KCND3: variants seen among roughly 807,000 people sequenced by gnomAD.
KCND3 encodes the protein A-type voltage-gated potassium channel KCND3.
A neutral mutation model predicts 51.1 loss-of-function variants in KCND3; 9 were observed. The ratio of observed to expected loss-of-function variants is 0.18; its 90% CI spans 0.11 to 0.31. KCND3 has a LOEUF of 0.31. Ranked by LOEUF, KCND3 falls within the 10% of genes least tolerant of loss-of-function variation. The pLI is 1.00. For synonymous variants in KCND3, 349 were observed against 368.0 expected, an observed-to-expected ratio of 0.95 and a Z score of 0.59; for missense variants, 526 against 903.8, an observed-to-expected ratio of 0.58 and a Z score of 5.36.
At chr1:111,784,077 A>G (rs1405634162) in intron 3 of KCND3, among the ~76,000 whole-genome samples, 1 of 149,926 alleles carries the variant, frequency 6.7e-6, no homozygotes, top group Non-Finnish European at 1.5e-5. Context: ...CAGTCTCTTG[A>G]CCGTGGCAGT....
intron 6 of KCND3, among the ~76,000 whole-genome samples, chr1:111,778,117 A>G (rs922411763): frequency 3.3e-5 from 5 of 152,232 alleles, no homozygotes; most frequent in Non-Finnish European, 7.3e-5. Flanking sequence ...AAATACCAGG[A>G]GTCCCCACGG....
chr1:111,932,433 T>G (rs1156645332), intron 2 of KCND3, among the ~76,000 whole-genome samples: 2 of 152,204 alleles, frequency 1.3e-5, no homozygotes, highest in African/African-American at 4.8e-5. Context: ...TGGCATTAAG[T>G]GCATTCACAC....
chr1:111,940,097 G>A (rs112499253), intron 2 of KCND3, among the ~76,000 whole-genome samples: 1 of 35,820 alleles, frequency 2.8e-5, no homozygotes, highest in Non-Finnish European at 5.4e-5. Context: ...TTTTTTTTTT[G>A]TAAGTTCCTT....
At chr1:111,948,015 A>T (rs1482006635) in intron 2 of KCND3, among the ~76,000 whole-genome samples, 1 of 152,166 alleles carries the variant, frequency 6.6e-6, no homozygotes, top group Non-Finnish European at 1.5e-5. Context: ...CTCACCTCCG[A>T]GGAGCCCTGT....
intron 2 of KCND3, among the ~76,000 whole-genome samples, chr1:111,805,231 A>C (rs989172617): frequency 1.3e-5 from 2 of 152,046 alleles, no homozygotes; most frequent in East Asian, 3.8e-4. Flanking sequence ...AGGGGGAAAA[A>C]AAAAGGTAAG....
chr1:111,813,583 G>T, intron 2 of KCND3, among the ~76,000 whole-genome samples: 1 of 152,248 alleles, frequency 6.6e-6, no homozygotes, highest in East Asian at 1.9e-4. Flanking sequence ...GCTGTCTTAG[G>T]CTCGCCTAGC....
chr1:111,930,364 G>A (rs1401137683), intron 2 of KCND3, among the ~76,000 whole-genome samples: 1 of 152,232 alleles, frequency 6.6e-6, no homozygotes, highest in Non-Finnish European at 1.5e-5. Flanking sequence ...GCCGTTTAAT[G>A]TGACACCAGA....
At chr1:111,970,237 G>C (rs931916114) in intron 2 of KCND3, among the ~76,000 whole-genome samples, 1 of 151,984 alleles carries the variant, frequency 6.6e-6, no homozygotes, top group Non-Finnish European at 1.5e-5. Flanking sequence ...GGATGGTCTC[G>C]AATTTCTGAC....
At chr1:111,976,518 A>ACT (rs1674635002) in intron 2 of KCND3, among the ~76,000 whole-genome samples, 2 of 152,380 alleles carry the variant, frequency 1.3e-5, no homozygotes, top group South Asian at 4.1e-4. Flanking sequence ...TGAGTGAACA[A>ACT]ATACTTATTG....
At chr1:111,863,466 G>C (rs1344918594) in intron 2 of KCND3, among the ~76,000 whole-genome samples, 1 of 152,218 alleles carries the variant, frequency 6.6e-6, no homozygotes, top group Non-Finnish European at 1.5e-5. Context: ...TCTGAATCTT[G>C]AAGAATGAAT....
chr1:111,882,683 C>T (rs931137315), intron 2 of KCND3, among the ~76,000 whole-genome samples: 12 of 152,014 alleles, frequency 7.9e-5, no homozygotes, highest in South Asian at 6.2e-4. Context: ...GTGCTGGGGG[C>T]GGACAAAGGG....
chr1:111,901,704 GCTTT>G, intron 2 of KCND3, among the ~76,000 whole-genome samples: 1 of 152,286 alleles, frequency 6.6e-6, no homozygotes, highest in East Asian at 1.9e-4. Context: ...TAGGAAGAAT[GCTTT>G]CTTTTTTTCT....
chr1:111,867,427 A>G (rs941560101), intron 2 of KCND3, among the ~76,000 whole-genome samples: 1 of 152,222 alleles, frequency 6.6e-6, no homozygotes, highest in East Asian at 1.9e-4. Context: ...CATGTTTTAG[A>G]TATTTTCTGA....
At chr1:111,879,437 T>C (rs1034516943) in intron 2 of KCND3, among the ~76,000 whole-genome samples, 1 of 152,222 alleles carries the variant, frequency 6.6e-6, no homozygotes, top group African/African-American at 2.4e-5. Context: ...AAACTCAGCA[T>C]GAAGGCACTT....
intron 2 of KCND3, among the ~76,000 whole-genome samples, chr1:111,885,953 G>A (rs1037465392): frequency 6.6e-6 from 1 of 152,198 alleles, no homozygotes; most frequent in Non-Finnish European, 1.5e-5. Context: ...TTACAGGCGT[G>A]AGCCACCGTA....
chr1:111,797,566 CT>C (rs1665111370), intron 2 of KCND3, among the ~76,000 whole-genome samples: 1 of 152,142 alleles, frequency 6.6e-6, no homozygotes, highest in Admixed American at 6.5e-5. Context: ...CAAATAAATC[CT>C]GATGATGGTC....
At chr1:111,884,694 C>G (rs1002284092) in intron 2 of KCND3, among the ~76,000 whole-genome samples, 1 of 152,158 alleles carries the variant, frequency 6.6e-6, no homozygotes, top group African/African-American at 2.4e-5. Flanking sequence ...TGTTTTCATT[C>G]AATCAGAGGA....
intron 2 of KCND3, among the ~76,000 whole-genome samples, chr1:111,954,448 A>G (rs894992232): frequency 1.3e-5 from 2 of 152,228 alleles, no homozygotes; most frequent in Admixed American, 6.5e-5. Context: ...TGTGTCATCT[A>G]AAAGTGACCT....
intron 2 of KCND3, among the ~76,000 whole-genome samples, chr1:111,951,016 C>A (rs796441119): frequency 5.9e-5 from 9 of 151,846 alleles, no homozygotes; most frequent in African/African-American, 2.2e-4. Flanking sequence ...ACTAAAAATA[C>A]AAAATTAGCT....
Sources: gnomAD v4.1 joint callset for allele counts (sites outside exome capture counted in the v4.1 genomes callset) on GRCh38, gnomAD v4.1.1 for gene constraint, MANE v1.5 for transcripts, NCBI Gene and HGNC (gene_info 2026-07-23, HGNC 2026-07-21) for gene names.